SVOP: variants seen among roughly 807,000 people sequenced by gnomAD.
SVOP encodes the protein synaptic vesicle 2-related protein.
In SVOP, 17 loss-of-function variants were observed where a neutral mutation model predicts 69.1. The observed-to-expected ratio is 0.25, with a 90% confidence interval of 0.17 to 0.37. SVOP has a LOEUF of 0.37. Ranked by LOEUF, SVOP falls within the 10% of genes least tolerant of loss-of-function variation. The probability of loss-of-function intolerance (pLI) is 1.00; values close to 1 mark genes in which losing one functional copy is unlikely to be tolerated. For missense variants in SVOP, 435 were observed against 597.5 expected (o/e 0.73, Z 2.84); for synonymous variants, 238 against 238.6 (o/e 1.00, Z 0.02).
chr12:108,929,265 G>A (rs756583443), intron 11 of SVOP, among the ~76,000 whole-genome samples: 3 of 152,158 alleles, frequency 2.0e-5, no homozygotes, highest in Non-Finnish European at 2.9e-5. Context: ...CCCTATACTT[G>A]CCTTCAGCAA....
At chr12:108,918,960 T>C (rs2039731159) in intron 13 of SVOP, among the ~76,000 whole-genome samples, 1 of 152,050 alleles carries the variant, frequency 6.6e-6, no homozygotes, top group African/African-American at 2.4e-5. Context: ...ACCTACACCT[T>C]TTTACCTGTA....
Position 108,962,917 on chromosome 12 carries a change from A to T in SVOP, c.454-1870T>A, listed in dbSNP as rs2040025227. Reference sequence around the variant, plus strand: ...GAGGTGGAGGTTGCAGTGAGCCAAGAACTTGCCACTGCACTCCAGCCTGAG... The same window carrying T: ...GAGGTGGAGGTTGCAGTGAGCCAAGTACTTGCCACTGCACTCCAGCCTGAG... On this transcript the variant is annotated intron_variant, in intron 5 of 15. Transcript: ENST00000610966. Among the ~76,000 whole-genome samples the T allele has an allele frequency of 5.3e-5, 8 of 152,050 alleles. 1 individual carries two copies. The South Asian group carries it at 1.7e-3, about 32-fold the overall frequency.
At chr12:108,973,731 A>G (rs2040092011) in intron 4 of SVOP, among the ~76,000 whole-genome samples, 3 of 152,142 alleles carry the variant, frequency 2.0e-5, no homozygotes, top group Admixed American at 2.0e-4. Flanking sequence ...TTCATTTCCA[A>G]GTTTTCAACT....
At chr12:108,927,559 G>C (rs535332476) in intron 11 of SVOP, among the ~76,000 whole-genome samples, 2 of 148,540 alleles carry the variant, frequency 1.3e-5, no homozygotes, top group South Asian at 4.3e-4. Flanking sequence ...ATTCACTGAC[G>C]TATTCTAATG....
intron 1 of SVOP, among the ~76,000 whole-genome samples, chr12:109,014,435 T>C (rs1317204731): frequency 1.3e-5 from 2 of 152,212 alleles, no homozygotes; most frequent in African/African-American, 2.4e-5. Flanking sequence ...ATATTATTCA[T>C]CCATTCGTCA....
At chr12:109,005,592 A>G (rs59531636) in intron 1 of SVOP, among the ~76,000 whole-genome samples, 422 of 152,314 alleles carry the variant, frequency 2.8e-3, no homozygotes, top group African/African-American at 9.8e-3. Context: ...AAGGAAATAT[A>G]TCTTGAGGAG....
At chr12:108,951,920 A>T (rs1452798648) in intron 6 of SVOP, among the ~76,000 whole-genome samples, 2 of 152,146 alleles carry the variant, frequency 1.3e-5, no homozygotes, top group Non-Finnish European at 1.5e-5. Context: ...TGGCCTTGTG[A>T]CTTGCTTTGA....
At chr12:108,979,413 T>C (rs992510320) in intron 2 of SVOP, among the ~76,000 whole-genome samples, 6 of 152,066 alleles carry the variant, frequency 3.9e-5, no homozygotes, top group African/African-American at 1.4e-4. Context: ...CTATTTTTTT[T>C]CTATTTTTTG....
At chr12:109,010,051 A>C (rs1373065208) in intron 1 of SVOP, among the ~76,000 whole-genome samples, 1 of 150,518 alleles carries the variant, frequency 6.6e-6, no homozygotes, top group African/African-American at 2.5e-5. Context: ...AGAGCCCAGG[A>C]GTTTGAAGGC....
intron 13 of SVOP, among the ~76,000 whole-genome samples, 159 bp from the exon 14 acceptor site, chr12:108,918,283 T>A (rs748156932): frequency 6.6e-6 from 1 of 152,198 alleles, no homozygotes; most frequent in Non-Finnish European, 1.5e-5. Flanking sequence ...TATTTCAGTA[T>A]CATCTTGACA....
intron 1 of SVOP, among the ~76,000 whole-genome samples, chr12:109,015,448 A>T (rs886548848): frequency 3.9e-5 from 6 of 152,258 alleles, no homozygotes; most frequent in African/African-American, 1.4e-4. Context: ...GAACCAGAGG[A>T]TTGCAGCAGA....
chr12:108,919,861 G>A, intron 12 of SVOP, 75 bp from the exon 13 acceptor site: 2 of 993,652 alleles, frequency 2.0e-6, no homozygotes, highest in East Asian at 2.6e-5. Context: ...AGCACAGCCT[G>A]TATCATCCCC....
chr12:108,913,942 T>C (rs528514303), intron 15 of SVOP, among the ~76,000 whole-genome samples: 1 of 152,208 alleles, frequency 6.6e-6, no homozygotes, highest in Non-Finnish European at 1.5e-5. Flanking sequence ...TGAGCCACCA[T>C]GCCCAGCCCA....
intron 4 of SVOP, among the ~76,000 whole-genome samples, chr12:108,976,597 CCTCTCT>C (rs543526244): frequency 1.2e-3 from 178 of 146,444 alleles, no homozygotes; most frequent in African/African-American, 4.3e-3. Flanking sequence ...CCTGGCCATT[CCTCTCT>C]CTCTCTCTCT....
chr12:108,975,382 C>T (rs182607810), intron 4 of SVOP, among the ~76,000 whole-genome samples: 1 of 152,224 alleles, frequency 6.6e-6, no homozygotes, highest in African/African-American at 2.4e-5. Flanking sequence ...ACCTAGCCCA[C>T]AAGTCTAAAC....
At chr12:108,965,981 C>A (rs1361745254) in intron 5 of SVOP, among the ~76,000 whole-genome samples, 1 of 148,442 alleles carries the variant, frequency 6.7e-6, no homozygotes, top group Non-Finnish European at 1.5e-5. Context: ...CCTCCCCCCA[C>A]TTCCCTCCCT....
chr12:108,932,241 T>C (rs181075759), intron 11 of SVOP, among the ~76,000 whole-genome samples: 144 of 152,216 alleles, frequency 9.5e-4, no homozygotes, highest in African/African-American at 3.4e-3. Flanking sequence ...GTTCTTGAAC[T>C]CCTGGCCTCA....
chr12:108,941,428 GTTTCCCAGGCCTCC>G (rs890834607), intron 7 of SVOP, among the ~76,000 whole-genome samples: 2 of 152,106 alleles, frequency 1.3e-5, no homozygotes, highest in African/African-American at 4.8e-5. Flanking sequence ...GTTTCACTAT[GTTTCCCAGGCCTCC>G]TGGGCTCCTC....
At chr12:109,004,316 A>G (rs2135624415) in intron 1 of SVOP, among the ~76,000 whole-genome samples, 1 of 152,218 alleles carries the variant, frequency 6.6e-6, no homozygotes, top group East Asian at 1.9e-4. Flanking sequence ...GAACTTGAGG[A>G]AATAGTTGTC....
Sources: gnomAD v4.1 joint callset for allele counts (sites outside exome capture counted in the v4.1 genomes callset) on GRCh38, gnomAD v4.1.1 for gene constraint, MANE v1.5 for transcripts, NCBI Gene and HGNC (gene_info 2026-07-23, HGNC 2026-07-21) for gene names.